DLGAP2: variants seen among roughly 807,000 people sequenced by gnomAD.
The protein encoded by DLGAP2 is disks large-associated protein 2.
In DLGAP2, 26 loss-of-function variants were observed where a neutral mutation model predicts 100.3. That is an observed-to-expected ratio of 0.26 (90% CI 0.19 to 0.36). The LOEUF is 0.36. Among genes scored for constraint, DLGAP2 ranks in the 10% least tolerant of loss-of-function variants. DLGAP2 has a pLI of 1.00. For synonymous variants in DLGAP2, 886 were observed against 630.1 expected (o/e 1.41, Z -6.08); for missense variants, 1,858 against 1,453.2 (o/e 1.28, Z -4.53).
intron 2 of DLGAP2, among the ~76,000 whole-genome samples, chr8:987,737 C>G (rs1434943492): frequency 6.6e-6 from 1 of 152,188 alleles, no homozygotes; most frequent in Non-Finnish European, 1.5e-5. Flanking sequence ...CAAGCCCACT[C>G]CTTTCACCAA....
intron 2 of DLGAP2, among the ~76,000 whole-genome samples, chr8:1,218,244 C>T (rs181666277): frequency 6.6e-6 from 1 of 152,218 alleles, no homozygotes; most frequent in African/African-American, 2.4e-5. Flanking sequence ...GGCTTTGATC[C>T]ATCTTGAGTT....
At chr8:1,422,430 C>A (rs977107493) in intron 3 of DLGAP2, among the ~76,000 whole-genome samples, 1 of 152,086 alleles carries the variant, frequency 6.6e-6, no homozygotes, top group Non-Finnish European at 1.5e-5. Context: ...CGAAGATGGC[C>A]GTGACTGAGC....
intron 8 of DLGAP2, among the ~76,000 whole-genome samples, chr8:1,646,843 A>G (rs928131829): frequency 6.6e-6 from 1 of 152,146 alleles, no homozygotes; most frequent in Admixed American, 6.5e-5. Context: ...TGGAAAGGAG[A>G]ACCCAGGTGG....
intron 2 of DLGAP2, among the ~76,000 whole-genome samples, chr8:1,171,115 A>G (rs190714326): frequency 6.6e-6 from 1 of 152,006 alleles, no homozygotes; most frequent in Non-Finnish European, 1.5e-5. Context: ...GAACATCTTT[A>G]TTTCTGCCTT....
intron 2 of DLGAP2, among the ~76,000 whole-genome samples, chr8:1,102,492 G>A (rs1436581974): frequency 2.0e-5 from 3 of 151,786 alleles, no homozygotes; most frequent in Non-Finnish European, 2.9e-5. Context: ...AGAAACGCAC[G>A]CTATTCGTGG....
intron 3 of DLGAP2, among the ~76,000 whole-genome samples, chr8:1,349,922 T>C (rs1801668899): frequency 6.6e-6 from 1 of 152,246 alleles, no homozygotes; most frequent in Non-Finnish European, 1.5e-5. Context: ...CACATTTGCC[T>C]ATATCTCTAG....
chr8:1,098,949 G>A (rs906763535), intron 2 of DLGAP2, among the ~76,000 whole-genome samples: 1 of 152,192 alleles, frequency 6.6e-6, no homozygotes, highest in African/African-American at 2.4e-5. Flanking sequence ...GTTGCTAAAT[G>A]GTGCCTGGGA....
chr8:1,477,786 G>A (rs1322574436), intron 3 of DLGAP2, among the ~76,000 whole-genome samples: 1 of 117,922 alleles, frequency 8.5e-6, no homozygotes, highest in South Asian at 2.9e-4. Context: ...TAGAATAATT[G>A]AAAGGTGAGA....
intron 1 of DLGAP2, among the ~76,000 whole-genome samples, chr8:745,161 T>G (rs12678621): frequency 6.6e-6 from 1 of 152,252 alleles, no homozygotes; most frequent in Non-Finnish European, 1.5e-5. Context: ...TTTTTCTTGG[T>G]CTTTAATATG....
At chr8:953,537 C>T (rs1189506319) in intron 2 of DLGAP2, among the ~76,000 whole-genome samples, 1 of 152,188 alleles carries the variant, frequency 6.6e-6, no homozygotes, top group African/African-American at 2.4e-5. Flanking sequence ...TAAATTTGAT[C>T]ACTGATAGCA....
chr8:1,220,641 G>C (rs1363084373), intron 2 of DLGAP2, among the ~76,000 whole-genome samples: 1 of 152,076 alleles, frequency 6.6e-6, no homozygotes, highest in Non-Finnish European at 1.5e-5. Flanking sequence ...TGAAGTTTAG[G>C]TCCCAAATAT....
intron 1 of DLGAP2, among the ~76,000 whole-genome samples, chr8:757,247 T>G (rs1384282102): frequency 2.6e-5 from 4 of 152,224 alleles, no homozygotes; most frequent in African/African-American, 9.6e-5. Context: ...TGGGTCCCTT[T>G]TAGCAGTGAG....
chr8:1,031,840 A>G (rs1239824260), intron 2 of DLGAP2, among the ~76,000 whole-genome samples: 1 of 152,264 alleles, frequency 6.6e-6, no homozygotes, highest in East Asian at 1.9e-4. Flanking sequence ...TGCATTAAGC[A>G]GAAATGCTGT....
intron 2 of DLGAP2, among the ~76,000 whole-genome samples, chr8:915,713 C>A (rs926293371): frequency 1.2e-4 from 18 of 152,320 alleles, no homozygotes; most frequent in Non-Finnish European, 2.2e-4. Context: ...TTTGTTAAAT[C>A]TCCCCATCTA....
Position 737,756 on chromosome 8 carries a change from G to C in DLGAP2, c.-52G>C, listed in dbSNP as rs1038637260. On this transcript the variant is annotated 5_prime_UTR_variant, in exon 1 of 15. Transcript: ENST00000637795. Reference sequence around the variant, plus strand: ...GCCCCGGGAGCCGTCGGTCTGAGGAGGGGCCGCTTCGCCATGTCGCCCCGC... The same window carrying C: ...GCCCCGGGAGCCGTCGGTCTGAGGACGGGCCGCTTCGCCATGTCGCCCCGC... 2.7e-5 allele frequency: 10 copies of C among 376,980 alleles called. No homozygotes were observed. Among genetic ancestry groups the C allele is most frequent in the African/African-American group, 1.9e-4 (9 of 47,550 alleles). 23.4% of individuals were successfully genotyped at this position (376,980 alleles called of 1,614,324 possible).
intron 2 of DLGAP2, among the ~76,000 whole-genome samples, chr8:1,120,006 A>T (rs1289946102): frequency 2.0e-5 from 3 of 152,330 alleles, no homozygotes; most frequent in South Asian, 4.1e-4. Context: ...GGCTGGGCTG[A>T]AAAATGAGTC....
chr8:1,174,432 C>T (rs958269846), intron 2 of DLGAP2, among the ~76,000 whole-genome samples: 2 of 151,494 alleles, frequency 1.3e-5, no homozygotes, highest in Non-Finnish European at 2.9e-5. Flanking sequence ...ACCATTACCA[C>T]CATCATTGCC....
At chr8:1,330,766 C>CCGAGTTCTGGGTGGGAGCACCGCTTCACG (rs1801137394) in intron 3 of DLGAP2, among the ~76,000 whole-genome samples, 1 of 116,412 alleles carries the variant, frequency 8.6e-6, no homozygotes, top group African/African-American at 3.4e-5. Flanking sequence ...ACCGCTTCAT[C>CCGAGTTCTGGGTGGGAGCACCGCTTCACG]GGGACCGAGT....
intron 4 of DLGAP2, among the ~76,000 whole-genome samples, chr8:1,524,925 C>T (rs181329837): frequency 5.3e-5 from 8 of 152,048 alleles, no homozygotes; most frequent in South Asian, 2.1e-4. Context: ...CATTTGTCCC[C>T]GGTTATTTGT....
Sources: gnomAD v4.1 joint callset for allele counts (sites outside exome capture counted in the v4.1 genomes callset) on GRCh38, gnomAD v4.1.1 for gene constraint, MANE v1.5 for transcripts, NCBI Gene and HGNC (gene_info 2026-07-23, HGNC 2026-07-21) for gene names.